Variants in FALEC observed in about 807,000 individuals in gnomAD.
FALEC encodes the protein focally amplified lncRNA regulator of ECM1, also known as focally amplified lncRNA on chromosome 1.
the FALEC span, among the ~76,000 whole-genome samples, chr1:150,529,540 G>A: frequency 2.6e-5 from 4 of 152,180 alleles, no homozygotes; most frequent in African/African-American, 4.8e-5. Flanking sequence ...TACCCCAAAC[G>A]TCTTCCCCTA....
At chr1:150,527,506 G>A in the FALEC span, among the ~76,000 whole-genome samples, 3 of 152,054 alleles carry the variant, frequency 2.0e-5, no homozygotes, top group Non-Finnish European at 2.9e-5. Context: ...TGATCTGCCC[G>A]CCTCAGCCTC....
the FALEC span, among the ~76,000 whole-genome samples, chr1:150,532,505 G>C: frequency 6.6e-6 from 1 of 152,196 alleles, no homozygotes; most frequent in Non-Finnish European, 1.5e-5. Context: ...TCTGGGAAAA[G>C]AGCAGGCCGG....
At chr1:150,523,757 G>A in the FALEC span, among the ~76,000 whole-genome samples, 1 of 151,990 alleles carries the variant, frequency 6.6e-6, no homozygotes. Context: ...AGATTTCCAG[G>A]TCCTACTCCC....
chr1:150,532,072 A>G, the FALEC span, among the ~76,000 whole-genome samples: 22 of 152,040 alleles, frequency 1.4e-4, no homozygotes, highest in Non-Finnish European at 2.8e-4. Flanking sequence ...ACGCCCAGCT[A>G]ATTTTTTTGT....
At chr1:150,533,375 G>A in the FALEC span, among the ~76,000 whole-genome samples, 21 of 149,036 alleles carry the variant, frequency 1.4e-4, no homozygotes, top group Non-Finnish European at 1.0e-4. Context: ...TGGAAACTCC[G>A]AAACTCTATG....
chr1:150,522,684 G>A (rs73019056), downstream of FALEC, among the ~76,000 whole-genome samples: 102 of 150,982 alleles, frequency 6.8e-4, no homozygotes, highest in Middle Eastern at 3.4e-3. Flanking sequence ...AGCCACTTGT[G>A]ACTACTGAGC....
downstream of FALEC, among the ~76,000 whole-genome samples, chr1:150,521,918 C>T (rs587608181): frequency 1.2e-4 from 19 of 152,286 alleles, no homozygotes; most frequent in South Asian, 3.7e-3. Context: ...ATTGTAGGAA[C>T]AGTATATACA....
the FALEC span, among the ~76,000 whole-genome samples, chr1:150,529,064 A>T: frequency 3.5e-5 from 5 of 143,036 alleles, no homozygotes; most frequent in Non-Finnish European, 7.6e-5. Flanking sequence ...GCACAGGTGG[A>T]GGGAGAAGCA....
the FALEC span, among the ~76,000 whole-genome samples, chr1:150,535,772 C>G: frequency 6.6e-6 from 1 of 152,232 alleles, no homozygotes; most frequent in Non-Finnish European, 1.5e-5. Context: ...TAAACAAAAA[C>G]AGAGTGATCC....
At chr1:150,522,867 G>GTATATATATATACACACA (rs1397962460), downstream of FALEC, among the ~76,000 whole-genome samples, 1 of 68,108 alleles carries the variant, frequency 1.5e-5, no homozygotes, top group Non-Finnish European at 3.2e-5. Flanking sequence ...ATATATATAC[G>GTATATATATATACACACA]TATATATACA....
At chr1:150,516,051 C>G (rs1362910490) in exon 1 of FALEC, 1 of 151,684 alleles carries the variant, frequency 6.6e-6, no homozygotes, top group Non-Finnish European at 1.5e-5. Context: ...CAAGACCAGC[C>G]TGGCCAAGAA....
chr1:150,534,639 C>A, the FALEC span, among the ~76,000 whole-genome samples: 1 of 151,964 alleles, frequency 6.6e-6, no homozygotes, highest in Non-Finnish European at 1.5e-5. Flanking sequence ...GTCAGGAAAT[C>A]GAGACCATCC....
chr1:150,522,961 A>G (rs1275316914), downstream of FALEC, among the ~76,000 whole-genome samples: 1 of 29,022 alleles, frequency 3.4e-5, no homozygotes, highest in Non-Finnish European at 7.2e-5. Flanking sequence ...ATATATATAT[A>G]TATATATATA....
the FALEC span, among the ~76,000 whole-genome samples, chr1:150,535,401 G>A: frequency 2.6e-5 from 4 of 152,150 alleles, no homozygotes; most frequent in Middle Eastern, 3.4e-3. Context: ...CCGCCACCAC[G>A]CCTGGCTAAT....
At chr1:150,516,671 A>T (rs1190702519) in intron 1 of FALEC, among the ~76,000 whole-genome samples, 1 of 152,242 alleles carries the variant, frequency 6.6e-6, no homozygotes, top group African/African-American at 2.4e-5. Context: ...CGGTGAGTAA[A>T]GTAAAGGAGT....
the FALEC span, among the ~76,000 whole-genome samples, chr1:150,529,888 C>A: frequency 6.6e-6 from 1 of 152,154 alleles, no homozygotes; most frequent in Non-Finnish European, 1.5e-5. Context: ...TGAGCCACCG[C>A]GCCCAGCCTG....
downstream of FALEC, among the ~76,000 whole-genome samples, chr1:150,522,551 AG>A (rs759042043): frequency 2.7e-5 from 4 of 149,524 alleles, no homozygotes; most frequent in South Asian, 6.4e-4. Context: ...TGAACCCAGG[AG>A]GGGGTGGTTG....
At chr1:150,518,196 GA>G (rs1423486642), downstream of FALEC, among the ~76,000 whole-genome samples, 1 of 152,046 alleles carries the variant, frequency 6.6e-6, no homozygotes, top group Non-Finnish European at 1.5e-5. Flanking sequence ...AAAATATTAA[GA>G]AAAAAGTAGT....
downstream of FALEC, among the ~76,000 whole-genome samples, chr1:150,520,539 A>G (rs1290028149): frequency 1.3e-5 from 2 of 152,184 alleles, no homozygotes; most frequent in Non-Finnish European, 2.9e-5. Context: ...GTATGTGTAT[A>G]CATACAATGT....
Sources: allele counts gnomAD v4.1 joint callset (sites outside exome capture counted in the v4.1 genomes callset), GRCh38; gene constraint gnomAD v4.1.1; transcripts MANE v1.5; gene names NCBI Gene and HGNC (gene_info 2026-07-23, HGNC 2026-07-21).